SCN2A: variants seen among roughly 807,000 people sequenced by gnomAD.
SCN2A encodes sodium voltage-gated channel alpha subunit 2, also known as sodium channel protein type 2 subunit alpha.
SCN2A carries 20 observed loss-of-function variants against 188.7 expected under a neutral mutation model. The ratio of observed to expected loss-of-function variants is 0.11; its 90% confidence interval spans 0.07 to 0.15. The LOEUF is 0.15. SCN2A is among the 10% of genes least tolerant of loss of function. SCN2A has a pLI of 1.00. For missense variants in SCN2A, 1,278 were observed against 2,445.0 expected (o/e 0.52, Z 10.07); for synonymous variants, 804 against 833.1 (o/e 0.97, Z 0.60).
At chr2:165,338,261 C>CTTTTTTT (rs71028478) in intron 14 of SCN2A, among the ~76,000 whole-genome samples, 9 of 139,268 alleles carry the variant, frequency 6.5e-5, no homozygotes, top group South Asian at 2.3e-4. Context: ...AAGATTTGAA[C>CTTTTTTT]TTTTTTTTTT....
At position 165,338,261 on chromosome 2, in the gene SCN2A, C is replaced by CTTTTT. The variant is rs71028478; in HGVS notation, c.2389-4023_2389-4019dup. ...GTGTAAAATTATGAAAAGATTTGAACTTTTTTTTTTTTTTTTGAGACGGAG... is the reference window on the plus strand; with the variant it reads ...GTGTAAAATTATGAAAAGATTTGAACTTTTTTTTTTTTTTTTTTTTTGAGACGGAG... On this transcript the variant is annotated intron_variant, in intron 14 of 26. Transcript: ENST00000375437. Among the ~76,000 whole-genome samples the CTTTTT allele has an allele frequency of 2.5e-3, 345 of 139,252 alleles. 9 individuals carry two copies. Among genetic ancestry groups the CTTTTT allele is most frequent in the Non-Finnish European group, 3.9e-3 (255 of 64,754 alleles). The allele number at this position is 139,252 out of a possible 152,430, so 91.4% of individuals were successfully genotyped here. A position where few individuals can be genotyped will look rare whatever the true frequency, so the allele number is the denominator to read the frequency against.
intron 14 of SCN2A, among the ~76,000 whole-genome samples, chr2:165,339,751 A>G (rs1699207718): frequency 6.6e-6 from 1 of 152,194 alleles, no homozygotes; most frequent in Admixed American, 6.5e-5. Flanking sequence ...GTATCTATCA[A>G]TTCAACCCAA....
chr2:165,312,356 A>C (rs934093848), intron 8 of SCN2A, among the ~76,000 whole-genome samples: 4 of 152,192 alleles, frequency 2.6e-5, no homozygotes, highest in African/African-American at 9.6e-5. Flanking sequence ...TATAATATGC[A>C]TCTGAAGCTT....
At chr2:165,346,037 C>T (rs1161018701) in intron 16 of SCN2A, among the ~76,000 whole-genome samples, 1 of 152,122 alleles carries the variant, frequency 6.6e-6, no homozygotes, top group African/African-American at 2.4e-5. Context: ...AATATTGGCT[C>T]CCACTCTCTT....
intron 3 of SCN2A, among the ~76,000 whole-genome samples, chr2:165,304,207 C>T (rs765778539): frequency 1.3e-5 from 2 of 152,058 alleles, no homozygotes; most frequent in Non-Finnish European, 2.9e-5. Flanking sequence ...AAGTGATTCC[C>T]CTGCCTTAGC....
intron 17 of SCN2A, among the ~76,000 whole-genome samples, chr2:165,357,475 T>A (rs1700239072): frequency 6.6e-6 from 1 of 152,112 alleles, no homozygotes; most frequent in African/African-American, 2.4e-5. Flanking sequence ...ACTCAGAGGT[T>A]TTTTAGGTGT....
chr2:165,389,793 A>T lies in SCN2A; in HGVS notation c.5987A>T (p.Lys1996Ile). 1 of 1,612,512 alleles carries T rather than the reference A, an allele frequency of 6.2e-7. No individual in the cohort carries two copies. The highest frequency in any genetic ancestry group is 8.5e-7 in the Non-Finnish European group (1 of 1,179,206). ...FEKDKSEKED[K>I]GKDIRESKK ...AAAGACAAATCAGAAAAGGAAGACA[A>T]AGGGAAAGATATCAGGGAAAGTAAA... Residue 1996 changes from lysine (K) to isoleucine (I), a missense_variant, in exon 27 of 27, where the codon AAA becomes ATA. By Grantham distance (102) the Lys-to-Ile change is moderately radical (BLOSUM62 -3). Coordinates refer to ENST00000375437, the MANE Select transcript of SCN2A (RefSeq NM_001040142.2). This position sits in a 1 kb window ranked among gnomAD's most constrained non-coding sequence, Gnocchi z 4.2.
At position 165,240,694 on chromosome 2, in the gene SCN2A, T is replaced by TGTGA. The variant is rs755090637; in HGVS notation, c.-52+1055_-52+1056insTGAG. Among the ~76,000 whole-genome samples, 167 of 150,620 alleles carry TGTGA rather than the reference T, an allele frequency of 1.1e-3. 1 individual carries two copies. The highest frequency in any genetic ancestry group is 4.9e-3 in the East Asian group (25 of 5,068). On this transcript the variant is annotated intron_variant, in intron 1 of 26. Transcript: ENST00000375437. ...GTGTGTGTGTGTGTGTGTGTGTGTG[T>TGTGA]GATGGTGGAGGTGGCAGGCGGTGGA...
intron 1 of SCN2A, chr2:165,273,479 T>G (rs1185337653): frequency 6.6e-6 from 1 of 152,200 alleles, no homozygotes; most frequent in Admixed American, 6.5e-5. Context: ...AAGATCTTTT[T>G]TATAAAGTAG....
At position 165,354,311 on chromosome 2, in the gene SCN2A, A is replaced by C; in HGVS notation, c.3039A>C (p.Gly1013=). Reference sequence around the variant, plus strand: ...TTGCTGTGGGAAGGATGCAGAAAGGAATCGATTTTGTTAAAAGAAAAATAC... The same window carrying C: ...TTGCTGTGGGAAGGATGCAGAAAGGCATCGATTTTGTTAAAAGAAAAATAC... The part of the protein sequence containing the change: ...LQIAVGRMQK[G]IDFVKRKIRE... Residue 1013 remains glycine (G), a synonymous_variant, in exon 17 of 27, where the codon GGA becomes GGC. Transcript: ENST00000375437. 1 of 1,614,156 alleles carries C rather than the reference A, an allele frequency of 6.2e-7. No individual in the cohort carries two copies. Among genetic ancestry groups the C allele is most frequent in the Admixed American group, 1.7e-5 (1 of 60,026 alleles).
chr2:165,375,009 T>A (rs1435879995), intron 22 of SCN2A, 43 bp downstream of exon 22: 1 of 1,567,276 alleles, frequency 6.4e-7, no homozygotes, highest in Non-Finnish European at 8.8e-7. Context: ...GTAATTAAAA[T>A]GAGTCTAAAG....
In SCN2A at chr2:165,297,606, C is replaced by T. The variant is rs552287970; in HGVS notation, c.386+471C>T. Among the ~76,000 whole-genome samples, 231 of 152,266 alleles carry T rather than the reference C, an allele frequency of 1.5e-3. 1 individual carries two copies. The highest frequency in any genetic ancestry group is 5.4e-3 in the African/African-American group (225 of 41,564). ...TTTCTTCTATTTTAGCATTTAAAAG[C>T]TTTGAGTTAGTAAGCGTTTACAATT... On this transcript the variant is annotated intron_variant, in intron 3 of 26. Transcript: ENST00000375437.
intron 18 of SCN2A, 46 bp from the exon 19 acceptor site, chr2:165,367,171 A>G: frequency 6.3e-7 from 1 of 1,594,680 alleles, no homozygotes; most frequent in Non-Finnish European, 8.6e-7. Flanking sequence ...AATATACCTA[A>G]TCAAAGAGTA....
At chr2:165,384,540 A>T (rs933960457) in intron 25 of SCN2A, among the ~76,000 whole-genome samples, 3 of 152,104 alleles carry the variant, frequency 2.0e-5, no homozygotes, top group African/African-American at 7.2e-5. Context: ...AGTCATGGTG[A>T]TATTAAAATT....
intron 12 of SCN2A, among the ~76,000 whole-genome samples, chr2:165,324,396 C>T (rs943977689): frequency 3.3e-5 from 5 of 152,154 alleles, no homozygotes; most frequent in Admixed American, 6.5e-5. Context: ...TAAAATGATA[C>T]GGAGTTCGTT....
intron 1 of SCN2A, among the ~76,000 whole-genome samples, chr2:165,263,869 A>G (rs1273116739): frequency 2.1e-5 from 3 of 146,068 alleles, no homozygotes; most frequent in Admixed American, 7.0e-5. Context: ...TTCGTTAAGT[A>G]TATTCCTAAG....
rs1336928249 is a variant in SCN2A at position 165,309,311 on chromosome 2, G to T, written c.606-41G>T. Reference sequence around the variant, plus strand: ...CCCCTTATATCTCCAACTGTTTCTTGTGTTCTGTCATTGTGTTTGTGTGTG... The same window carrying T: ...CCCCTTATATCTCCAACTGTTTCTTTTGTTCTGTCATTGTGTTTGTGTGTG... On this transcript the variant is annotated intron_variant, in intron 5 of 26. Transcript: ENST00000375437. 1.9e-6 allele frequency: 3 copies of T among 1,613,554 alleles called. No homozygotes were observed. The Admixed American group carries it at 5.0e-5, about 27-fold the overall frequency.
Position 165,389,871 on chromosome 2 carries a change from G to T in SCN2A, c.*47G>T, listed in dbSNP as rs377384458. The T allele has an allele frequency of 3.5e-5, 54 of 1,547,062 alleles. No homozygotes were observed. The highest frequency in any genetic ancestry group is 4.1e-5 in the Non-Finnish European group (47 of 1,149,676). On this transcript the variant is annotated 3_prime_UTR_variant, in exon 27 of 27. Transcript: ENST00000375437. The surrounding 1 kb of genome is among the most constrained non-coding windows in gnomAD (Gnocchi z 4.2). Reference sequence around the variant, plus strand: ...TTTTGTGATCAATTGTTTACAGCCCGTGATGGTGATGTGTTTGTGTCAACA... The same window carrying T: ...TTTTGTGATCAATTGTTTACAGCCCTTGATGGTGATGTGTTTGTGTCAACA...
intron 1 of SCN2A, among the ~76,000 whole-genome samples, chr2:165,291,234 G>T (rs1696095523): frequency 6.6e-6 from 1 of 151,122 alleles, no homozygotes; most frequent in Non-Finnish European, 1.5e-5. Flanking sequence ...AGTAGAGATG[G>T]GGTTTCATCA....
Sources: allele counts gnomAD v4.1 joint callset (sites outside exome capture counted in the v4.1 genomes callset), GRCh38; gene constraint gnomAD v4.1.1; non-coding constraint Gnocchi (gnomAD v3.1); transcripts MANE v1.5; gene names NCBI Gene and HGNC (gene_info 2026-07-23, HGNC 2026-07-21).